Variants in GASK1A observed in about 807,000 individuals in gnomAD.
The protein encoded by GASK1A is Golgi-associated kinase 1A.
In GASK1A, 40 loss-of-function variants were observed where a neutral mutation model predicts 41.2. That is an observed-to-expected ratio of 0.97 (90% CI 0.75 to 1.27). The LOEUF (loss-of-function observed/expected upper bound fraction) is 1.27, where lower values mean the gene tolerates loss of function less well. Among genes scored for constraint, GASK1A ranks in the 50% most tolerant of loss-of-function variants. GASK1A has a pLI of 0.00. For synonymous variants in GASK1A, 316 were observed against 307.1 expected, an observed-to-expected ratio of 1.03 and a Z score of -0.30; for missense variants, 678 against 745.1, an observed-to-expected ratio of 0.91 and a Z score of 1.05.
chr3:43,027,271 A>C (rs1038061078), intron 1 of GASK1A, among the ~76,000 whole-genome samples: 1 of 152,214 alleles, frequency 6.6e-6, no homozygotes, highest in Non-Finnish European at 1.5e-5. Flanking sequence ...CATACAATAT[A>C]TTAACTGAAT....
intron 1 of GASK1A, among the ~76,000 whole-genome samples, chr3:42,991,971 A>ACTT (rs900969369): frequency 1.3e-5 from 2 of 151,966 alleles, no homozygotes; most frequent in Non-Finnish European, 2.9e-5. Flanking sequence ...TTTTACAGTT[A>ACTT]CTTACCACAT....
At chr3:43,018,881 G>A (rs2125682402) in intron 1 of GASK1A, among the ~76,000 whole-genome samples, 1 of 152,230 alleles carries the variant, frequency 6.6e-6, no homozygotes. Context: ...GCTTTACGTG[G>A]CAGCTTCTTC....
intron 1 of GASK1A, among the ~76,000 whole-genome samples, chr3:43,001,957 C>T (rs1230299749): frequency 6.6e-6 from 1 of 152,168 alleles, no homozygotes. Context: ...GCTGGGCACC[C>T]TGCCCTTTCT....
At chr3:42,999,030 T>TACAC (rs1255789235) in intron 1 of GASK1A, among the ~76,000 whole-genome samples, 9 of 152,318 alleles carry the variant, frequency 5.9e-5, no homozygotes, top group African/African-American at 2.2e-4. Flanking sequence ...CATATCAGTG[T>TACAC]GTATAGCTGA....
chr3:43,056,792 A>C lies in GASK1A; in HGVS notation c.*406A>C, dbSNP rs2089718646. The C allele has an allele frequency of 6.4e-6, 1 of 155,382 alleles. No homozygotes were observed. The highest frequency in any genetic ancestry group is 1.4e-5 in the Non-Finnish European group (1 of 70,326). The allele number at this position is 155,382 out of a possible 1,614,324, so 9.6% of individuals were successfully genotyped here. A position where few individuals can be genotyped will look rare whatever the true frequency, so the allele number is the denominator to read the frequency against. The stretch of plus-strand genomic sequence containing the variant: ...AAAGGTACAATCTTCATAGAACTGC[A>C]CTTGCAGCCTGGAGTTGCTCTGGCT... On this transcript the variant is annotated 3_prime_UTR_variant, in exon 5 of 5. Transcript: ENST00000430121.
intron 2 of GASK1A, among the ~76,000 whole-genome samples, chr3:43,041,010 T>A (rs1376154952): frequency 5.3e-5 from 8 of 150,942 alleles, no homozygotes; most frequent in South Asian, 2.1e-4. Flanking sequence ...TTACTGAGAA[T>A]GATGATTTCC....
intron 2 of GASK1A, among the ~76,000 whole-genome samples, chr3:43,039,048 T>C (rs1343563470): frequency 6.6e-6 from 1 of 151,914 alleles, no homozygotes; most frequent in Non-Finnish European, 1.5e-5. Context: ...CTTTTTTTTT[T>C]TTTTGGTTTC....
At chr3:43,030,614 C>T (rs1049723541) in intron 1 of GASK1A, among the ~76,000 whole-genome samples, 9 of 152,180 alleles carry the variant, frequency 5.9e-5, no homozygotes, top group Non-Finnish European at 8.8e-5. Flanking sequence ...AGAGTATGGC[C>T]CACTGCTGTC....
intron 1 of GASK1A, among the ~76,000 whole-genome samples, chr3:42,997,111 C>A (rs573741540): frequency 1.3e-5 from 2 of 152,350 alleles, no homozygotes; most frequent in South Asian, 2.1e-4. Context: ...GATGAGCAAC[C>A]CCACCAGCCA....
At chr3:43,003,492 C>CAAAAAAA (rs34122767) in intron 1 of GASK1A, among the ~76,000 whole-genome samples, 1 of 95,516 alleles carries the variant, frequency 1.0e-5, no homozygotes. Flanking sequence ...GAGACTGTCT[C>CAAAAAAA]AAAAAAAAAA....
Position 43,047,836 on chromosome 3 carries a change from G to C in GASK1A, c.1291-5685G>C, listed in dbSNP as rs575326855. On this transcript the variant is annotated intron_variant, in intron 2 of 4. Coordinates refer to ENST00000430121, the MANE Select transcript of GASK1A (RefSeq NM_001129908.3). ...TGGAGCTGCTAAATCCACCCAACCT[G>C]CCCTTCCTCAAGACTTCCTTCTGTA... Among the ~76,000 whole-genome samples the C allele has an allele frequency of 3.8e-4, 58 of 152,236 alleles. 1 individual carries two copies. The highest frequency in any genetic ancestry group is 6.9e-4 in the Non-Finnish European group (47 of 68,016).
In GASK1A at chr3:43,032,981, G is replaced by A. The variant is rs1273833553; in HGVS notation, c.718G>A (p.Val240Ile). The change falls in exon 2 of 5, where the codon GTA becomes ATA. Residue 240 changes from valine (V) to isoleucine (I), a missense_variant. Val to Ile is a conservative substitution (Grantham distance 29). Coordinates refer to ENST00000430121, the MANE Select transcript of GASK1A (RefSeq NM_001129908.3). ...PGSVEKLQGS[V>I]WCDAETLLSS... ...CTCTGTTGAGAAGCTGCAAGGGTCA[G>A]TATGGTGTGATGCTGAGACGCTGTT... is the stretch of plus-strand genomic sequence containing the variant. 3.9e-6 allele frequency: 6 copies of A among 1,551,412 alleles called. No individual in the cohort carries two copies. The highest frequency in any genetic ancestry group is 1.7e-4 in the Middle Eastern group (1 of 6,010).
At chr3:43,043,045 G>C (rs1388499485) in intron 2 of GASK1A, among the ~76,000 whole-genome samples, 5 of 152,212 alleles carry the variant, frequency 3.3e-5, no homozygotes, top group Non-Finnish European at 7.3e-5. Context: ...CAGTATGGGA[G>C]CAGCCTGCCA....
chr3:43,009,306 G>A (rs1486361658), intron 1 of GASK1A, among the ~76,000 whole-genome samples: 5 of 152,332 alleles, frequency 3.3e-5, no homozygotes, highest in Middle Eastern at 3.4e-3. Flanking sequence ...GCTGGTATCA[G>A]GAACCCCAGC....
chr3:43,038,364 C>A (rs1234097065), intron 2 of GASK1A, among the ~76,000 whole-genome samples: 2 of 152,152 alleles, frequency 1.3e-5, no homozygotes, highest in East Asian at 3.8e-4. Flanking sequence ...CAGTAATAGT[C>A]CTAGAAAAGA....
At position 42,979,745 on chromosome 3, in the gene GASK1A, C is replaced by T. The variant is rs1312156869; in HGVS notation, c.3+100C>T. 11 of 1,172,358 alleles carry T rather than the reference C, an allele frequency of 9.4e-6. No individual in the cohort carries two copies. The African/African-American group carries it at 1.3e-4, about 14-fold the overall frequency. The allele number at this position is 1,172,358 out of a possible 1,614,324, so 72.6% of individuals were successfully genotyped here. A position where few individuals can be genotyped will look rare whatever the true frequency, so the allele number is the denominator to read the frequency against. ...AGCGGCCCAGGGCGCGCGCAGCCTGCGCGGCCTCCCGAGGCCGGAGTTGTT... is the reference window on the plus strand; with the variant it reads ...AGCGGCCCAGGGCGCGCGCAGCCTGTGCGGCCTCCCGAGGCCGGAGTTGTT... On this transcript the variant is annotated intron_variant, in intron 1 of 4. Transcript: ENST00000430121.
chr3:43,028,583 A>G (rs545936625), intron 1 of GASK1A, among the ~76,000 whole-genome samples: 1 of 152,302 alleles, frequency 6.6e-6, no homozygotes, highest in Admixed American at 6.5e-5. Flanking sequence ...TGGCAAGTGC[A>G]GAGCACACAG....
chr3:42,985,546 C>CGT (rs56195274), intron 1 of GASK1A, among the ~76,000 whole-genome samples: 34,321 of 134,566 alleles, frequency 0.26, 4,304 homozygotes, highest in Non-Finnish European at 0.31. Flanking sequence ...CCTGTGCATA[C>CGT]GTGTGTGTGT....
intron 3 of GASK1A, among the ~76,000 whole-genome samples, chr3:43,055,180 T>A (rs1329711472): frequency 6.6e-6 from 1 of 152,192 alleles, no homozygotes; most frequent in African/African-American, 2.4e-5. Context: ...GTGCCACCAT[T>A]TCTGTAAAAT....
Sources: gnomAD v4.1 joint callset for allele counts (sites outside exome capture counted in the v4.1 genomes callset) on GRCh38, gnomAD v4.1.1 for gene constraint, MANE v1.5 for transcripts, NCBI Gene and HGNC (gene_info 2026-07-23, HGNC 2026-07-21) for gene names.